Variants in TBC1D9 observed in about 807,000 individuals in gnomAD.
TBC1D9 encodes the protein TBC1 domain family member 9A.
TBC1D9 carries 63 observed loss-of-function variants against 132.0 expected under a neutral mutation model. The ratio of observed to expected loss-of-function variants is 0.48; its 90% CI spans 0.39 to 0.59. The LOEUF is 0.59. Ranked by LOEUF, TBC1D9 falls within the 20% of genes least tolerant of loss-of-function variation. The pLI is 0.00. For missense variants in TBC1D9, 1,261 were observed against 1,592.7 expected, an observed-to-expected ratio of 0.79 and a Z score of 3.54; for synonymous variants, 610 against 609.9, an observed-to-expected ratio of 1.00 and a Z score of 0.00.
At chr4:140,655,889 C>G (rs1737259515) in intron 13 of TBC1D9, among the ~76,000 whole-genome samples, 1 of 152,104 alleles carries the variant, frequency 6.6e-6, no homozygotes. Context: ...GAACAGAAAG[C>G]AAATTGATTT....
intron 1 of TBC1D9, among the ~76,000 whole-genome samples, chr4:140,720,820 C>T (rs1375738040): frequency 6.6e-6 from 1 of 152,190 alleles, no homozygotes; most frequent in East Asian, 1.9e-4. Flanking sequence ...CAAGTTCCAG[C>T]CTCAGCAGGT....
chr4:140,693,944 T>G (rs976914854), intron 2 of TBC1D9, among the ~76,000 whole-genome samples: 1 of 152,206 alleles, frequency 6.6e-6, no homozygotes, highest in African/African-American at 2.4e-5. Flanking sequence ...GCAATAAGAA[T>G]CAGTAGTTAA....
In TBC1D9 at chr4:140,642,634, C is replaced by T. The variant is rs1737022246; in HGVS notation, c.2338-3206G>A. On this transcript the variant is annotated intron_variant, in intron 13 of 20. Coordinates refer to ENST00000442267, the MANE Select transcript of TBC1D9 (RefSeq NM_015130.3). The stretch of plus-strand genomic sequence containing the variant: ...TCTTCAGCTGACTTATGAACTTAGA[C>T]GAAGCCTCGTGTTCATCCCAAGTCT... The T allele has an allele frequency of 4.0e-5, 30 of 752,870 alleles. 1 individual carries two copies. The South Asian group carries it at 4.6e-4, about 12-fold the overall frequency. The allele number at this position is 752,870 out of a possible 1,614,324, so 46.6% of individuals were successfully genotyped here. A position where few individuals can be genotyped will look rare whatever the true frequency, so the allele number is the denominator to read the frequency against.
intron 18 of TBC1D9, 55 bp downstream of exon 18, chr4:140,627,386 A>C (rs371982237): frequency 4.3e-6 from 5 of 1,152,496 alleles, no homozygotes. Context: ...TTTTCCAATA[A>C]TGGAGGGCTC....
intron 4 of TBC1D9, 68 bp downstream of exon 4, chr4:140,679,547 G>T: frequency 9.0e-7 from 1 of 1,116,194 alleles, no homozygotes; most frequent in Non-Finnish European, 1.3e-6. Context: ...TTTTGATGTG[G>T]TTTATGAGTT....
chr4:140,630,216 C>A (rs1162508211), intron 16 of TBC1D9, among the ~76,000 whole-genome samples: 1 of 152,116 alleles, frequency 6.6e-6, no homozygotes, highest in Admixed American at 6.5e-5. Context: ...AAAGAACCAA[C>A]ATAACTAATT....
At chr4:140,628,769 A>C (rs896533221) in intron 16 of TBC1D9, among the ~76,000 whole-genome samples, 1 of 152,248 alleles carries the variant, frequency 6.6e-6, no homozygotes, top group Non-Finnish European at 1.5e-5. Flanking sequence ...GGGGCACAAC[A>C]TCTTAAATAA....
At chr4:140,694,321 A>G (rs949016274) in intron 2 of TBC1D9, among the ~76,000 whole-genome samples, 4 of 152,244 alleles carry the variant, frequency 2.6e-5, no homozygotes, top group African/African-American at 9.6e-5. Context: ...CTGTAATACT[A>G]GCACTTCGGG....
At chr4:140,623,506 T>C (rs1238299208) in intron 20 of TBC1D9, among the ~76,000 whole-genome samples, 1 of 152,228 alleles carries the variant, frequency 6.6e-6, no homozygotes, top group Non-Finnish European at 1.5e-5. Context: ...TTTCTTGTTC[T>C]CTTTTCCCTT....
intron 11 of TBC1D9, 158 bp downstream of exon 11, chr4:140,659,430 A>G: frequency 1.8e-6 from 1 of 560,800 alleles, no homozygotes; most frequent in East Asian, 2.8e-5. Context: ...TATACAACCT[A>G]TATTTATTCA....
intron 1 of TBC1D9, among the ~76,000 whole-genome samples, chr4:140,725,453 G>A (rs1430189802): frequency 6.6e-6 from 1 of 152,200 alleles, no homozygotes; most frequent in Non-Finnish European, 1.5e-5. Context: ...AGGTCCAGCG[G>A]AACAAGAGCT....
chr4:140,696,455 CAAAAAAAAAAA>C (rs35713619), intron 2 of TBC1D9, among the ~76,000 whole-genome samples: 1 of 61,576 alleles, frequency 1.6e-5, no homozygotes, highest in Non-Finnish European at 2.8e-5. Context: ...GAGTCCGTCT[CAAAAAAAAAAA>C]AAAAAAAAAA....
Position 140,654,028 on chromosome 4 carries a change from C to T in TBC1D9, c.2337+3069G>A, listed in dbSNP as rs547916307. ...TGTTGAGAAAAAAGCTGAGTTGCCACATACTAAGCTTTAATACTGTTAGGA... is the reference window on the plus strand; with the variant it reads ...TGTTGAGAAAAAAGCTGAGTTGCCATATACTAAGCTTTAATACTGTTAGGA... On this transcript the variant is annotated intron_variant, in intron 13 of 20. Transcript: ENST00000442267. 3.3e-5 allele frequency among the ~76,000 whole-genome samples: 5 copies of T among 152,358 alleles called. No homozygotes were observed. In the South Asian group the frequency reaches 1.0e-3, roughly 32 times the overall value.
At chr4:140,704,082 G>C (rs2058954922) in intron 1 of TBC1D9, among the ~76,000 whole-genome samples, 2 of 152,204 alleles carry the variant, frequency 1.3e-5, no homozygotes, top group Admixed American at 1.3e-4. Context: ...CTTTAGTCTG[G>C]GTTTAGAGGG....
At chr4:140,743,728 C>A (rs1560902506) in intron 1 of TBC1D9, among the ~76,000 whole-genome samples, 1 of 152,168 alleles carries the variant, frequency 6.6e-6, no homozygotes, top group Non-Finnish European at 1.5e-5. Flanking sequence ...ATTACAAATC[C>A]TGTTCTGTAC....
chr4:140,719,943 G>C (rs1441707771), intron 1 of TBC1D9, among the ~76,000 whole-genome samples: 2 of 152,082 alleles, frequency 1.3e-5, no homozygotes, highest in African/African-American at 4.8e-5. Flanking sequence ...TGCTTCCTAG[G>C]GTCATGACCT....
At chr4:140,682,556 GT>G (rs1315238928) in intron 3 of TBC1D9, among the ~76,000 whole-genome samples, 1 of 152,198 alleles carries the variant, frequency 6.6e-6, no homozygotes, top group East Asian at 1.9e-4. Flanking sequence ...ACATTTCAAA[GT>G]TGTCAGTGCC....
At chr4:140,714,898 A>G (rs1398192557) in intron 1 of TBC1D9, among the ~76,000 whole-genome samples, 1 of 152,166 alleles carries the variant, frequency 6.6e-6, no homozygotes, top group Non-Finnish European at 1.5e-5. Flanking sequence ...AGGCTGAAGC[A>G]GGAAGATTGT....
intron 13 of TBC1D9, chr4:140,643,413 A>AGTGG: frequency 1.9e-6 from 2 of 1,076,904 alleles, no homozygotes; most frequent in South Asian, 2.6e-5. Flanking sequence ...CATGCCAGCC[A>AGTGG]GTGGGTCTTC....
Sources: gnomAD v4.1 joint callset for allele counts (sites outside exome capture counted in the v4.1 genomes callset) on GRCh38, gnomAD v4.1.1 for gene constraint, MANE v1.5 for transcripts, NCBI Gene and HGNC (gene_info 2026-07-23, HGNC 2026-07-21) for gene names.